Variants in EDIL3 observed in about 807,000 individuals in gnomAD.
EDIL3 encodes EGF like and discoidin domains 3.
EDIL3 carries 37 observed loss-of-function variants against 67.4 expected under a neutral mutation model. The ratio of observed to expected loss-of-function variants is 0.55; its 90% confidence interval spans 0.42 to 0.72. EDIL3 has a LOEUF of 0.72. Among genes scored for constraint, EDIL3 ranks in the 30% least tolerant of loss-of-function variants. The probability of loss-of-function intolerance (pLI) is 0.00; values close to 1 mark genes in which losing one functional copy is unlikely to be tolerated. For missense variants in EDIL3, 527 were observed against 586.3 expected (o/e 0.90, Z 1.04); for synonymous variants, 195 against 196.3 (o/e 0.99, Z 0.05).
chr5:84,144,970 T>G (rs1191866758), intron 4 of EDIL3, among the ~76,000 whole-genome samples: 2 of 152,106 alleles, frequency 1.3e-5, no homozygotes, highest in Non-Finnish European at 2.9e-5. Flanking sequence ...TAGCTTGACT[T>G]TAACCATTTG....
At chr5:84,251,157 G>A (rs1745017966) in intron 2 of EDIL3, among the ~76,000 whole-genome samples, 1 of 152,062 alleles carries the variant, frequency 6.6e-6, no homozygotes, top group Non-Finnish European at 1.5e-5. Flanking sequence ...CTGTCACCTA[G>A]GCTGGAATGC....
At chr5:84,013,091 C>T (rs1332287954) in intron 9 of EDIL3, among the ~76,000 whole-genome samples, 5 of 151,786 alleles carry the variant, frequency 3.3e-5, no homozygotes, top group Non-Finnish European at 7.4e-5. Context: ...TCTAAGCTTT[C>T]AAACAAGGAT....
At chr5:84,377,533 T>G (rs1747993676) in intron 1 of EDIL3, among the ~76,000 whole-genome samples, 1 of 152,168 alleles carries the variant, frequency 6.6e-6, no homozygotes, top group Admixed American at 6.5e-5. Context: ...CAGTAAAATC[T>G]AAATGGTTCC....
chr5:84,326,381 C>A (rs775001456), intron 1 of EDIL3, among the ~76,000 whole-genome samples: 1 of 151,750 alleles, frequency 6.6e-6, no homozygotes, highest in Non-Finnish European at 1.5e-5. Context: ...AAGGAGCTGA[C>A]GGGAGAAGGG....
intron 6 of EDIL3, among the ~76,000 whole-genome samples, chr5:84,103,020 A>T (rs1169106351): frequency 6.6e-6 from 1 of 152,120 alleles, no homozygotes; most frequent in Non-Finnish European, 1.5e-5. Flanking sequence ...ACAAAAACAG[A>T]CATATATTCC....
intron 1 of EDIL3, among the ~76,000 whole-genome samples, chr5:84,303,307 G>A (rs1323336646): frequency 6.6e-6 from 1 of 152,056 alleles, no homozygotes; most frequent in Non-Finnish European, 1.5e-5. Flanking sequence ...CCCACTTGAG[G>A]GTAAAACACT....
intron 1 of EDIL3, among the ~76,000 whole-genome samples, chr5:84,271,230 C>A (rs1345465305): frequency 6.6e-6 from 1 of 151,806 alleles, no homozygotes; most frequent in Admixed American, 6.6e-5. Flanking sequence ...CTGGCTAACA[C>A]GGGGAAACCC....
At chr5:83,975,134 C>CT (rs747936349) in intron 9 of EDIL3, among the ~76,000 whole-genome samples, 3 of 151,960 alleles carry the variant, frequency 2.0e-5, no homozygotes, top group Non-Finnish European at 2.9e-5. Flanking sequence ...AGGTATATAA[C>CT]TTTCATAAAA....
chr5:84,375,703 C>A (rs1747953721), intron 1 of EDIL3, among the ~76,000 whole-genome samples: 1 of 152,012 alleles, frequency 6.6e-6, no homozygotes. Flanking sequence ...TAAAATAAAT[C>A]AAAAAATTGT....
At position 83,977,908 on chromosome 5, in the gene EDIL3, T is replaced by C. The variant is rs148991057; in HGVS notation, c.1138-14548A>G. Among the ~76,000 whole-genome samples the C allele has an allele frequency of 1.5e-3, 234 of 152,002 alleles. 2 individuals carry two copies. Among genetic ancestry groups the C allele is most frequent in the African/African-American group, 5.3e-3 (222 of 41,560 alleles). ...TGAATAACAGATTTCCTATTCACTT[T>C]TACAGCAAAATTAAATGCAGGGTGA... On this transcript the variant is annotated intron_variant, in intron 9 of 10. Coordinates refer to ENST00000296591, the MANE Select transcript of EDIL3 (RefSeq NM_005711.5).
chr5:84,202,526 A>G (rs1743865633), intron 3 of EDIL3, among the ~76,000 whole-genome samples: 1 of 152,204 alleles, frequency 6.6e-6, no homozygotes, highest in Admixed American at 6.5e-5. Flanking sequence ...TGGACCTGAT[A>G]ATATTGCAGA....
chr5:84,080,087 C>T (rs1380352032), intron 6 of EDIL3, among the ~76,000 whole-genome samples: 4 of 110,798 alleles, frequency 3.6e-5, no homozygotes, highest in East Asian at 2.7e-4. Context: ...CTGGCTAACA[C>T]GGTGAAACCC....
intron 3 of EDIL3, among the ~76,000 whole-genome samples, chr5:84,201,477 T>C (rs918751700): frequency 6.6e-6 from 1 of 152,110 alleles, no homozygotes; most frequent in South Asian, 2.1e-4. Context: ...TCATGTACCA[T>C]ACTTAGAGAC....
intron 3 of EDIL3, among the ~76,000 whole-genome samples, chr5:84,187,735 C>T (rs1743495702): frequency 6.6e-6 from 1 of 151,908 alleles, no homozygotes; most frequent in African/African-American, 2.4e-5. Flanking sequence ...CACTGTCACT[C>T]TATTTTAAAA....
At chr5:84,210,902 G>C (rs168202) in intron 3 of EDIL3, among the ~76,000 whole-genome samples, 108,513 of 152,020 alleles carry the variant, frequency 0.71, 39,003 homozygotes, top group African/African-American at 0.75. Context: ...TGTTTATTTA[G>C]TTACAATTTT....
At chr5:83,986,815 T>G (rs1056006478) in intron 9 of EDIL3, among the ~76,000 whole-genome samples, 1 of 152,022 alleles carries the variant, frequency 6.6e-6, no homozygotes, top group African/African-American at 2.4e-5. Flanking sequence ...CCAGGAGAAG[T>G]GCACTTGCAA....
At chr5:84,249,542 C>CA (rs1408661503) in intron 2 of EDIL3, among the ~76,000 whole-genome samples, 1 of 152,066 alleles carries the variant, frequency 6.6e-6, no homozygotes, top group Non-Finnish European at 1.5e-5. Flanking sequence ...ATTGCCCCTC[C>CA]ACCATTCAAG....
At chr5:84,224,501 G>T (rs1253720041) in intron 3 of EDIL3, among the ~76,000 whole-genome samples, 1 of 151,280 alleles carries the variant, frequency 6.6e-6, no homozygotes, top group Non-Finnish European at 1.5e-5. Context: ...AGTTTATGAA[G>T]TATCTATTAT....
intron 9 of EDIL3, among the ~76,000 whole-genome samples, chr5:83,982,611 T>G (rs1744988597): frequency 1.3e-5 from 2 of 152,106 alleles, no homozygotes; most frequent in South Asian, 4.1e-4. Flanking sequence ...TGTAGTAGAG[T>G]TGACTTCTTT....
Sources: allele counts gnomAD v4.1 joint callset (sites outside exome capture counted in the v4.1 genomes callset), GRCh38; gene constraint gnomAD v4.1.1; transcripts MANE v1.5; gene names NCBI Gene and HGNC (gene_info 2026-07-23, HGNC 2026-07-21).